The following SP140 variants were observed in gnomAD, a reference collection of about 807,000 sequenced individuals.
The protein encoded by SP140 is SP140 nuclear body protein, also known as nuclear body protein SP140.
In SP140, 81 loss-of-function variants were observed where a neutral mutation model predicts 125.0. That is an observed-to-expected ratio of 0.65 (90% CI 0.54 to 0.78). The LOEUF (loss-of-function observed/expected upper bound fraction) is 0.78. SP140 is among the 30% of genes least tolerant of loss of function. SP140 has a pLI of 0.00. For synonymous variants in SP140, 312 were observed against 354.0 expected (o/e 0.88, Z 1.33); for missense variants, 858 against 1,037.0 (o/e 0.83, Z 2.37).
chr2:230,218,089 A>G (rs189331771), intron 3 of SP140, among the ~76,000 whole-genome samples: 56 of 152,376 alleles, frequency 3.7e-4, no homozygotes, highest in Admixed American at 9.8e-4. Flanking sequence ...ATAGGTTATA[A>G]TGGGAAGAAA....
chr2:230,282,372 A>C (rs2055700959), intron 15 of SP140, among the ~76,000 whole-genome samples: 1 of 152,158 alleles, frequency 6.6e-6, no homozygotes, highest in African/African-American at 2.4e-5. Flanking sequence ...TGCCATGGAG[A>C]ATGGCCTCCC....
At chr2:230,245,967 A>T in intron 7 of SP140, 27 bp downstream of exon 7, 1 of 1,415,640 alleles carries the variant, frequency 7.1e-7, no homozygotes, top group Non-Finnish European at 1.0e-6. Flanking sequence ...TTAAAGCTTT[A>T]TTTTTCTGTC....
chr2:230,195,719 G>A, the SP140 span, among the ~76,000 whole-genome samples: 12,045 of 152,018 alleles, frequency 0.079, 659 homozygotes, highest in South Asian at 0.25. Flanking sequence ...AAAATTCAGG[G>A]CCAGAAATTA....
At chr2:230,265,537 C>T (rs1022372057) in intron 12 of SP140, among the ~76,000 whole-genome samples, 2 of 152,152 alleles carry the variant, frequency 1.3e-5, no homozygotes, top group African/African-American at 2.4e-5. Flanking sequence ...AGTTTTACCC[C>T]CTGCTCCTCT....
In SP140 at chr2:230,312,610, T is replaced by C. The variant is rs767081648; in HGVS notation, c.2530T>C (p.Phe844Leu). 6.2e-7 allele frequency: 1 copy of C among 1,612,246 alleles called. No homozygotes were observed. Among genetic ancestry groups the C allele is most frequent in the Non-Finnish European group, 8.5e-7 (1 of 1,178,930 alleles). The change falls in exon 27 of 27, where the codon TTT becomes CTT. Residue 844 changes from phenylalanine to leucine, a missense_variant. Physicochemically the swap from Phe to Leu is conservative, Grantham distance 22. Transcript: ENST00000392045. ...GTACAAGGATTTTGGCCAAATGGGA[T>C]TTAGACTGGAGGCTGAGTTTGAGAA... is the stretch of plus-strand genomic sequence containing the variant. ...YKYKDFGQMG[F>L]RLEAEFEKNF...
intron 1 of SP140, among the ~76,000 whole-genome samples, chr2:230,232,782 C>T (rs562231766): frequency 3.2e-4 from 48 of 152,096 alleles, no homozygotes; most frequent in Non-Finnish European, 2.4e-4. Context: ...TTTTGTGTAT[C>T]TTTGTTCTTT....
At chr2:230,272,378 T>C (rs1235945595) in intron 15 of SP140, among the ~76,000 whole-genome samples, 2 of 152,196 alleles carry the variant, frequency 1.3e-5, no homozygotes, top group Admixed American at 6.5e-5. Context: ...TCATCTTGAA[T>C]TGTATCTCCC....
Position 230,269,947 on chromosome 2 carries a change from A to C in SP140, c.1438A>C (p.Thr480Pro), listed in dbSNP as rs548097476. Residue 480 changes from threonine to proline, a missense_variant, in exon 14 of 27, where the codon ACA becomes CCA. Coordinates refer to ENST00000392045, the MANE Select transcript of SP140 (RefSeq NM_007237.5). ...ARTESDQACG[T>P]MDTVDIANNS... ...GACGGAAAGTGATCAAGCGTGTGGC[A>C]CAATGGGTAAGGCTGTCTGAGGGCC... The C allele has an allele frequency of 6.2e-7, 1 of 1,611,850 alleles. No individual in the cohort carries two copies. The highest frequency in any genetic ancestry group is 1.3e-5 in the African/African-American group (1 of 74,998).
intron 3 of SP140, among the ~76,000 whole-genome samples, chr2:230,217,245 CAAA>C (rs6147220): frequency 1.3e-4 from 10 of 79,794 alleles, no homozygotes; most frequent in South Asian, 4.7e-4. Flanking sequence ...GACTCCATCT[CAAA>C]AAAAAAAAAA....
At chr2:230,278,954 C>T (rs1291628245) in intron 15 of SP140, among the ~76,000 whole-genome samples, 10 of 151,980 alleles carry the variant, frequency 6.6e-5, no homozygotes, top group Non-Finnish European at 1.5e-5. Context: ...TAGACTCCAT[C>T]AAAAAACTGT....
chr2:230,305,069 A>T (rs2058627714), intron 22 of SP140, among the ~76,000 whole-genome samples: 1 of 152,236 alleles, frequency 6.6e-6, no homozygotes, highest in South Asian at 2.1e-4. Flanking sequence ...GAAAAAATCA[A>T]ATAATCCCAT....
At chr2:230,309,797 A>G in intron 22 of SP140, 127 bp from the exon 23 acceptor site, 1 of 884,968 alleles carries the variant, frequency 1.1e-6, no homozygotes, top group South Asian at 1.8e-5. Context: ...TTTCCTTCAT[A>G]TCCCAGGGAG....
At chr2:230,244,787 A>G (rs1203120669) in intron 5 of SP140, among the ~76,000 whole-genome samples, 1 of 152,122 alleles carries the variant, frequency 6.6e-6, no homozygotes, top group African/African-American at 2.4e-5. Context: ...TGGTAACCAA[A>G]AAGTGAGAAG....
chr2:230,209,249 G>C (rs2044206302), intron 1 of SP140, among the ~76,000 whole-genome samples: 1 of 152,114 alleles, frequency 6.6e-6, no homozygotes, highest in Non-Finnish European at 1.5e-5. Flanking sequence ...GGGAGGCCAA[G>C]AATTGGTGGA....
chr2:230,265,558 C>G (rs1559291008), intron 12 of SP140, among the ~76,000 whole-genome samples: 2 of 152,168 alleles, frequency 1.3e-5, no homozygotes, highest in East Asian at 3.9e-4. Context: ...CCCATTGGGT[C>G]CCTGTGGTGC....
At chr2:230,227,152 A>G (rs2046555796) in intron 1 of SP140, among the ~76,000 whole-genome samples, 1 of 152,312 alleles carries the variant, frequency 6.6e-6, no homozygotes, top group Non-Finnish European at 1.5e-5. Flanking sequence ...TGTGGAATGT[A>G]AAAATGTATG....
intron 17 of SP140, 28 bp from the exon 18 acceptor site, chr2:230,287,864 C>T: frequency 6.3e-7 from 1 of 1,577,338 alleles, no homozygotes; most frequent in South Asian, 1.1e-5. Context: ...TCATAAATGA[C>T]TGTGATTATA....
the SP140 span, among the ~76,000 whole-genome samples, chr2:230,188,893 G>C: frequency 7.9e-5 from 12 of 152,036 alleles, no homozygotes; most frequent in African/African-American, 2.9e-4. Flanking sequence ...TTTGTTATTG[G>C]TCTGTTCATG....
chr2:230,239,702 G>T (rs1191639450), intron 3 of SP140, among the ~76,000 whole-genome samples: 1 of 152,186 alleles, frequency 6.6e-6, no homozygotes, highest in Non-Finnish European at 1.5e-5. Context: ...GCCTGCCTTG[G>T]CTTCCCCAAA....
Sources: allele counts gnomAD v4.1 joint callset (sites outside exome capture counted in the v4.1 genomes callset), GRCh38; gene constraint gnomAD v4.1.1; transcripts MANE v1.5; gene names NCBI Gene and HGNC (gene_info 2026-07-23, HGNC 2026-07-21).